CARMIL1: variants seen among roughly 807,000 people sequenced by gnomAD.
CARMIL1 encodes the protein capping protein regulator and myosin 1 linker 1.
In CARMIL1, 90 loss-of-function variants were observed where a neutral mutation model predicts 177.1. The ratio of observed to expected loss-of-function variants is 0.51; its 90% CI spans 0.43 to 0.61. The LOEUF (loss-of-function observed/expected upper bound fraction) is 0.61. Among genes scored for constraint, CARMIL1 ranks in the 20% least tolerant of loss-of-function variants. The pLI is 0.00. For synonymous variants in CARMIL1, 577 were observed against 606.2 expected, an observed-to-expected ratio of 0.95 and a Z score of 0.71; for missense variants, 1,380 against 1,667.0, an observed-to-expected ratio of 0.83 and a Z score of 3.00.
chr6:25,334,569 C>T (rs1786021595), intron 2 of CARMIL1, among the ~76,000 whole-genome samples: 1 of 152,156 alleles, frequency 6.6e-6, no homozygotes, highest in Admixed American at 6.5e-5. Flanking sequence ...GATGATAACT[C>T]ATTGTAGATT....
chr6:25,501,242 C>T (rs942941170), intron 17 of CARMIL1, among the ~76,000 whole-genome samples: 13 of 152,172 alleles, frequency 8.5e-5, no homozygotes, highest in African/African-American at 2.6e-4. Context: ...TTCCTATTCC[C>T]GGGCCTTTAT....
rs531352766 is a variant in CARMIL1, at chr6:25,546,045, G to A, written c.2329-4865G>A. The stretch of plus-strand genomic sequence containing the variant: ...GCTTTCAGGTGTTTCAGAGAGGGGT[G>A]AAACAAATATTGCAAATTATTAGCA... On this transcript the variant is annotated intron_variant, in intron 26 of 36. Coordinates refer to ENST00000329474, the MANE Select transcript of CARMIL1 (RefSeq NM_017640.6). 2.0e-5 allele frequency among the ~76,000 whole-genome samples: 3 copies of A among 152,268 alleles called. No homozygotes were observed. In the South Asian group the frequency reaches 6.2e-4, roughly 32 times the overall value.
At position 25,442,862 on chromosome 6, in the gene CARMIL1, A is replaced by G. The variant is rs1290707400; in HGVS notation, c.372-7036A>G. 2.0e-5 allele frequency among the ~76,000 whole-genome samples: 3 copies of G among 152,100 alleles called. No homozygotes were observed. The East Asian group carries it at 5.8e-4, about 29-fold the overall frequency. The stretch of plus-strand genomic sequence containing the variant: ...TTACTCTCTGATTGATTTCCCCTTA[A>G]CCCTGAGTGTGAATGTCCACTTTTG... On this transcript the variant is annotated intron_variant, in intron 5 of 36. Coordinates refer to ENST00000329474, the MANE Select transcript of CARMIL1 (RefSeq NM_017640.6).
At chr6:25,459,613 A>G (rs2150901191) in intron 8 of CARMIL1, among the ~76,000 whole-genome samples, 1 of 151,674 alleles carries the variant, frequency 6.6e-6, no homozygotes, top group Middle Eastern at 3.4e-3. Flanking sequence ...AACCAAAAAA[A>G]CTCTATGTGT....
At chr6:25,553,742 C>T (rs1342181654) in intron 27 of CARMIL1, among the ~76,000 whole-genome samples, 1 of 152,122 alleles carries the variant, frequency 6.6e-6, no homozygotes, top group South Asian at 2.1e-4. Context: ...TTTATCCAGA[C>T]GTTTTTCATT....
chr6:25,396,835 C>T (rs1359303586), intron 2 of CARMIL1, among the ~76,000 whole-genome samples: 1 of 152,070 alleles, frequency 6.6e-6, no homozygotes, highest in African/African-American at 2.4e-5. Flanking sequence ...TGCAGAGATG[C>T]GGAAATGGGC....
chr6:25,337,551 G>T (rs917654621), intron 2 of CARMIL1, among the ~76,000 whole-genome samples: 1 of 152,220 alleles, frequency 6.6e-6, no homozygotes, highest in African/African-American at 2.4e-5. Context: ...TCCTCGAACA[G>T]ATCCGTGTCC....
Position 25,441,353 on chromosome 6 carries a change from G to GTGTGTGTGTGTGTGTA in CARMIL1, c.371+5764_371+5765insATGTGTGTGTGTGTGT, listed in dbSNP as rs1554196434. Among the ~76,000 whole-genome samples the GTGTGTGTGTGTGTGTA allele has an allele frequency of 1.5e-3, 206 of 139,976 alleles. 3 individuals are homozygous for GTGTGTGTGTGTGTGTA. The highest frequency in any genetic ancestry group is 5.4e-3 in the African/African-American group (195 of 35,952). The allele number at this position is 139,976 out of a possible 152,430, so 91.8% of individuals were successfully genotyped here. On this transcript the variant is annotated intron_variant, in intron 5 of 36. Transcript: ENST00000329474. The stretch of plus-strand genomic sequence containing the variant: ...TATATATATATGTGTGTGTGTGTGT[G>GTGTGTGTGTGTGTGTA]TGTGTGTGTGTGTGTGTGTCTATGT...
At chr6:25,415,122 A>G (rs1346298741) in intron 2 of CARMIL1, among the ~76,000 whole-genome samples, 7 of 152,042 alleles carry the variant, frequency 4.6e-5, no homozygotes, top group Admixed American at 3.9e-4. Flanking sequence ...ATGAATCCAT[A>G]TGAACATTCT....
At position 25,551,025 on chromosome 6, in the gene CARMIL1, G is replaced by A. The variant is rs200837661; in HGVS notation, c.2444G>A (p.Arg815His). Reference sequence around the variant, plus strand: ...AGCACCGAAAAGATTTCTATTCCACGTACCTTTGTTAAAAATGTCCTGTTG... The same window carrying A: ...AGCACCGAAAAGATTTCTATTCCACATACCTTTGTTAAAAATGTCCTGTTG... ...HASTEKISIP[R>H]TFVKNVLLEQ... The change falls in exon 27 of 37, where the codon CGT becomes CAT. Residue 815 changes from arginine (R) to histidine (H), a missense_variant. Arg to His is a conservative substitution (Grantham distance 29, BLOSUM62 0). Transcript: ENST00000329474. The A allele has an allele frequency of 4.6e-5, 75 of 1,613,396 alleles. 1 individual carries two copies. The South Asian group carries it at 6.0e-4, about 13-fold the overall frequency.
At chr6:25,289,570 C>T (rs778136119) in intron 2 of CARMIL1, among the ~76,000 whole-genome samples, 80 of 152,204 alleles carry the variant, frequency 5.3e-4, no homozygotes, top group Non-Finnish European at 8.2e-4. Flanking sequence ...CCACAAGGAC[C>T]CCTAACATTG....
intron 8 of CARMIL1, among the ~76,000 whole-genome samples, chr6:25,451,834 ACTTAATAAACT>A (rs1249691125): frequency 6.6e-6 from 1 of 152,172 alleles, no homozygotes; most frequent in African/African-American, 2.4e-5. Context: ...GGTCAGCCCT[ACTTAATAAACT>A]CCAACCCAAT....
intron 2 of CARMIL1, among the ~76,000 whole-genome samples, chr6:25,395,992 G>A (rs1793350048): frequency 3.3e-5 from 5 of 152,072 alleles, no homozygotes; most frequent in Admixed American, 3.3e-4. Flanking sequence ...AGTCTTTTCT[G>A]CCCTGTGGTT....
intron 8 of CARMIL1, among the ~76,000 whole-genome samples, chr6:25,459,189 A>G (rs894084459): frequency 2.2e-5 from 3 of 137,868 alleles, no homozygotes; most frequent in Non-Finnish European, 4.8e-5. Context: ...GTCAACTGAC[A>G]TAGAAATAAG....
chr6:25,285,392 G>A (rs147368281), intron 2 of CARMIL1, among the ~76,000 whole-genome samples: 3,588 of 152,224 alleles, frequency 0.024, 62 homozygotes, highest in Non-Finnish European at 0.038. Flanking sequence ...TTAGGGTGTT[G>A]GTGCTTTGGA....
At chr6:25,449,006 C>T (rs577916648) in intron 5 of CARMIL1, among the ~76,000 whole-genome samples, 89 of 149,966 alleles carry the variant, frequency 5.9e-4, no homozygotes, top group African/African-American at 2.1e-3. Context: ...CTCCCATGCT[C>T]AAGCAATCCT....
intron 2 of CARMIL1, among the ~76,000 whole-genome samples, chr6:25,363,427 C>T (rs1406454787): frequency 6.6e-6 from 1 of 151,976 alleles, no homozygotes; most frequent in African/African-American, 2.4e-5. Flanking sequence ...TTAGAGGGCT[C>T]TTTTATTTTG....
chr6:25,426,596 T>A, intron 4 of CARMIL1, 36 bp downstream of exon 4: 6 of 1,577,424 alleles, frequency 3.8e-6, no homozygotes, highest in Non-Finnish European at 5.2e-6. Flanking sequence ...AAGATCATGA[T>A]CTTTCTTGAA....
rs556731644 is a variant in CARMIL1, at chr6:25,581,438, C to T, written c.3005C>T (p.Ala1002Val). The T allele has an allele frequency of 2.7e-5, 44 of 1,607,370 alleles. 1 individual carries two copies. Among genetic ancestry groups the T allele is most frequent in the African/African-American group, 2.0e-4 (15 of 74,776 alleles). Residue 1002 changes from alanine (A) to valine (V), a missense_variant and splice_region_variant, in exon 31 of 37, where the codon GCG becomes GTG. Physicochemically the swap from Ala to Val is moderately conservative, Grantham distance 64. Coordinates refer to ENST00000329474, the MANE Select transcript of CARMIL1 (RefSeq NM_017640.6). The stretch of plus-strand genomic sequence containing the variant: ...AAGAAGCAGCAACCCACCCAAGCAG[C>T]GGTAGGTGGACTGCAGGAGAGGCCC... ...RNKKQQPTQA[A>V]VCAANIVSQD...
Sources: gnomAD v4.1 joint callset for allele counts (sites outside exome capture counted in the v4.1 genomes callset) on GRCh38, gnomAD v4.1.1 for gene constraint, MANE v1.5 for transcripts, NCBI Gene and HGNC (gene_info 2026-07-23, HGNC 2026-07-21) for gene names.